The following ZFPM2 variants were observed in gnomAD, a reference collection of about 807,000 sequenced individuals.
ZFPM2 encodes the protein zinc finger protein ZFPM2.
A neutral mutation model predicts 98.6 loss-of-function variants in ZFPM2; 20 were observed. The ratio of observed to expected loss-of-function variants is 0.20; its 90% confidence interval spans 0.14 to 0.29. The LOEUF (loss-of-function observed/expected upper bound fraction) is 0.29. ZFPM2 is among the 10% of genes least tolerant of loss of function. ZFPM2 has a pLI of 1.00. For missense variants in ZFPM2, 1,310 were observed against 1,388.6 expected, an observed-to-expected ratio of 0.94 and a Z score of 0.90; for synonymous variants, 518 against 502.7, an observed-to-expected ratio of 1.03 and a Z score of -0.41.
chr8:105,751,862 A>AT (rs1014697247), intron 5 of ZFPM2, among the ~76,000 whole-genome samples: 26 of 151,948 alleles, frequency 1.7e-4, no homozygotes, highest in African/African-American at 6.0e-4. Flanking sequence ...TTCTTGCTGC[A>AT]TTTTTTATTT....
chr8:105,804,387 A>C lies in ZFPM2; in HGVS notation c.*849A>C, dbSNP rs1814140486. Reference sequence around the variant, plus strand: ...ACTCAATGCTGCAAGTATGAATTTAATTCATATATAAGATCTATTTAAATA... The same window carrying C: ...ACTCAATGCTGCAAGTATGAATTTACTTCATATATAAGATCTATTTAAATA... On this transcript the variant is annotated 3_prime_UTR_variant, in exon 8 of 8. Transcript: ENST00000407775. 6.6e-6 allele frequency: 1 copy of C among 152,608 alleles called. No individual in the cohort carries two copies. Among genetic ancestry groups the C allele is most frequent in the South Asian group, 2.1e-4 (1 of 4,836 alleles). The allele number at this position is 152,608 out of a possible 1,614,324, so 9.5% of individuals were successfully genotyped here.
chr8:105,561,010 C>T (rs751575020), intron 3 of ZFPM2, among the ~76,000 whole-genome samples: 52 of 152,132 alleles, frequency 3.4e-4, no homozygotes, highest in Non-Finnish European at 4.6e-4. Context: ...AATTTTAGCA[C>T]AAAATGATTG....
intron 1 of ZFPM2, among the ~76,000 whole-genome samples, chr8:105,358,945 C>T (rs1389683105): frequency 1.3e-5 from 2 of 152,038 alleles, no homozygotes; most frequent in African/African-American, 4.8e-5. Context: ...AAGAGTGAGA[C>T]TCCATCTAAA....
intron 1 of ZFPM2, among the ~76,000 whole-genome samples, chr8:105,352,232 A>G (rs1204593193): frequency 6.6e-6 from 1 of 152,190 alleles, no homozygotes; most frequent in Non-Finnish European, 1.5e-5. Context: ...ATGTTTCTTT[A>G]TGAAAATGAC....
At chr8:105,648,886 TTAAAG>T (rs1244985764) in intron 5 of ZFPM2, among the ~76,000 whole-genome samples, 2 of 152,214 alleles carry the variant, frequency 1.3e-5, no homozygotes, top group Non-Finnish European at 2.9e-5. Context: ...CATATGAACT[TTAAAG>T]TAGTTTTTCC....
At chr8:105,474,230 G>C (rs1010264624) in intron 3 of ZFPM2, among the ~76,000 whole-genome samples, 35 of 152,284 alleles carry the variant, frequency 2.3e-4, no homozygotes, top group African/African-American at 7.2e-4. Context: ...TCCCATGCCA[G>C]GGGAAAATGT....
intron 3 of ZFPM2, among the ~76,000 whole-genome samples, chr8:105,541,066 A>G (rs149725073): frequency 8.0e-4 from 122 of 152,248 alleles, no homozygotes; most frequent in African/African-American, 2.7e-3. Context: ...TAGTTAAAGC[A>G]TGATCCCATG....
intron 3 of ZFPM2, among the ~76,000 whole-genome samples, chr8:105,512,860 T>C (rs546681328): frequency 1.3e-5 from 2 of 152,242 alleles, no homozygotes; most frequent in South Asian, 4.1e-4. Flanking sequence ...ACATATCATG[T>C]GCCAGAAATA....
intron 2 of ZFPM2, among the ~76,000 whole-genome samples, chr8:105,426,952 A>G (rs1374191042): frequency 1.3e-5 from 2 of 152,078 alleles, no homozygotes; most frequent in African/African-American, 4.8e-5. Flanking sequence ...GTGAGACTCC[A>G]CCTGAAAACA....
At chr8:105,687,665 T>A (rs1410272243) in intron 5 of ZFPM2, among the ~76,000 whole-genome samples, 1 of 151,986 alleles carries the variant, frequency 6.6e-6, no homozygotes, top group African/African-American at 2.4e-5. Flanking sequence ...AATACATAAA[T>A]CAAATAGATG....
At chr8:105,395,446 A>G (rs931236401) in intron 1 of ZFPM2, among the ~76,000 whole-genome samples, 5 of 152,132 alleles carry the variant, frequency 3.3e-5, no homozygotes, top group African/African-American at 1.2e-4. Flanking sequence ...CATTTTATCT[A>G]ATCCTCTTTA....
chr8:105,787,935 CACA>C (rs1016089495), intron 5 of ZFPM2, among the ~76,000 whole-genome samples: 1 of 152,152 alleles, frequency 6.6e-6, no homozygotes, highest in African/African-American at 2.4e-5. Context: ...CTTTTTAATG[CACA>C]ACATGTGATC....
intron 1 of ZFPM2, among the ~76,000 whole-genome samples, chr8:105,414,167 A>G (rs901431458): frequency 6.6e-6 from 1 of 151,982 alleles, no homozygotes; most frequent in Non-Finnish European, 1.5e-5. Flanking sequence ...TCTTGTTTTA[A>G]TCAAAAGGCA....
intron 4 of ZFPM2, among the ~76,000 whole-genome samples, chr8:105,599,255 G>A (rs73309954): frequency 0.022 from 3,330 of 151,894 alleles, 100 homozygotes; most frequent in African/African-American, 0.073. Flanking sequence ...ACGATATAAA[G>A]CATGTCATAC....
chr8:105,635,705 A>G (rs1266164146), intron 5 of ZFPM2, among the ~76,000 whole-genome samples: 3 of 152,228 alleles, frequency 2.0e-5, no homozygotes, highest in South Asian at 2.1e-4. Context: ...CTTGGAATGT[A>G]GGACCACTTG....
chr8:105,436,509 T>G (rs1812122250), intron 2 of ZFPM2, among the ~76,000 whole-genome samples: 1 of 123,788 alleles, frequency 8.1e-6, no homozygotes, highest in African/African-American at 3.5e-5. Flanking sequence ...CAAAACTCCG[T>G]CTCAAAAAAA....
intron 5 of ZFPM2, among the ~76,000 whole-genome samples, chr8:105,683,709 C>A (rs1197527944): frequency 6.6e-6 from 1 of 152,098 alleles, no homozygotes; most frequent in Non-Finnish European, 1.5e-5. Context: ...TAAGAATCAG[C>A]CCTGAGATTA....
chr8:105,419,128 C>T lies in ZFPM2; in HGVS notation c.41-16C>T. On this transcript the variant is annotated splice_polypyrimidine_tract_variant and intron_variant, in intron 1 of 7. Transcript: ENST00000407775. The stretch of plus-strand genomic sequence containing the variant: ...CTTGCATATTTTTGGTACAGTTTCC[C>T]TGATTCTTTTTCAAGGGCCGCTTGA... 2 of 1,607,342 alleles carry T rather than the reference C, an allele frequency of 1.2e-6. No individual in the cohort carries two copies. The highest frequency in any genetic ancestry group is 1.7e-6 in the Non-Finnish European group (2 of 1,177,826).
At chr8:105,767,300 CTACAAAA>C (rs1286642337) in intron 5 of ZFPM2, among the ~76,000 whole-genome samples, 1 of 151,790 alleles carries the variant, frequency 6.6e-6, no homozygotes, top group Non-Finnish European at 1.5e-5. Context: ...TTGTTGTAAA[CTACAAAA>C]ATATTGCTTT....
Sources: allele counts gnomAD v4.1 joint callset (sites outside exome capture counted in the v4.1 genomes callset), GRCh38; gene constraint gnomAD v4.1.1; transcripts MANE v1.5; gene names NCBI Gene and HGNC (gene_info 2026-07-23, HGNC 2026-07-21).